KALRN: variants seen among roughly 807,000 people sequenced by gnomAD.
KALRN encodes the protein kalirin.
KALRN carries 70 observed loss-of-function variants against 353.7 expected under a neutral mutation model. That is an observed-to-expected ratio of 0.20 (90% confidence interval 0.16 to 0.24). The LOEUF (loss-of-function observed/expected upper bound fraction) is 0.24. KALRN is among the 10% of genes least tolerant of loss of function. KALRN has a pLI of 1.00. For missense variants in KALRN, 2,791 were observed against 3,756.7 expected, an observed-to-expected ratio of 0.74 and a Z score of 6.72; for synonymous variants, 1,391 against 1,434.8, an observed-to-expected ratio of 0.97 and a Z score of 0.69.
chr3:124,678,982 AT>A (rs1187906794), intron 50 of KALRN, among the ~76,000 whole-genome samples: 1 of 21,734 alleles, frequency 4.6e-5, no homozygotes, highest in Non-Finnish European at 8.6e-5. Context: ...AGATCTGCCA[AT>A]GGACCAATGG....
chr3:124,331,202 G>A (rs564185826), intron 8 of KALRN, among the ~76,000 whole-genome samples: 2 of 152,302 alleles, frequency 1.3e-5, no homozygotes, highest in East Asian at 1.9e-4. Flanking sequence ...TATGGAACCA[G>A]CCTAAATGTC....
chr3:124,642,806 G>GCTGTTTTTTTTT, intron 37 of KALRN, among the ~76,000 whole-genome samples: 1 of 96,820 alleles, frequency 1.0e-5, no homozygotes, highest in Non-Finnish European at 1.9e-5. Context: ...CCCAAGCCTC[G>GCTGTTTTTTTTT]TTTTTTTTTT....
chr3:124,117,161 G>A (rs2063528850), intron 1 of KALRN, among the ~76,000 whole-genome samples: 2 of 152,290 alleles, frequency 1.3e-5, no homozygotes, highest in African/African-American at 4.8e-5. Context: ...GCAGATGGAA[G>A]GTCAGATTTC....
intron 41 of KALRN, among the ~76,000 whole-genome samples, chr3:124,658,220 C>A (rs1161296408): frequency 6.6e-6 from 1 of 152,110 alleles, no homozygotes; most frequent in Non-Finnish European, 1.5e-5. Context: ...CTTTCTCAGC[C>A]CTCTCTAAGT....
At chr3:124,473,669 G>C (rs904876735) in intron 25 of KALRN, among the ~76,000 whole-genome samples, 1 of 152,126 alleles carries the variant, frequency 6.6e-6, no homozygotes, top group African/African-American at 2.4e-5. Flanking sequence ...GTTCTTTACA[G>C]ACCATCTTTT....
intron 33 of KALRN, among the ~76,000 whole-genome samples, chr3:124,499,162 G>A (rs2064219630): frequency 6.6e-6 from 1 of 152,106 alleles, no homozygotes; most frequent in African/African-American, 2.4e-5. Flanking sequence ...GATGAGGAAA[G>A]CATAACCATT....
At chr3:124,135,120 C>T (rs1335438433) in intron 1 of KALRN, among the ~76,000 whole-genome samples, 1 of 152,104 alleles carries the variant, frequency 6.6e-6, no homozygotes, top group Non-Finnish European at 1.5e-5. Flanking sequence ...AATTGTGGAA[C>T]CAACCCAAAT....
intron 34 of KALRN, among the ~76,000 whole-genome samples, chr3:124,574,168 G>C (rs946629265): frequency 3.3e-5 from 5 of 152,162 alleles, no homozygotes; most frequent in African/African-American, 1.2e-4. Flanking sequence ...ATACTATTTA[G>C]GACATGAAAG....
chr3:124,508,578 G>A (rs1398289231), intron 33 of KALRN, among the ~76,000 whole-genome samples: 1 of 152,146 alleles, frequency 6.6e-6, no homozygotes, highest in African/African-American at 2.4e-5. Flanking sequence ...TACATGCAAT[G>A]TTTGGGGCAA....
chr3:124,482,501 T>C (rs1215581976), intron 27 of KALRN, among the ~76,000 whole-genome samples: 3 of 149,922 alleles, frequency 2.0e-5, no homozygotes, highest in African/African-American at 7.3e-5. Flanking sequence ...GCTCTGTTAT[T>C]TACCTTATTG....
At chr3:124,701,491 G>A (rs2062338365) in intron 56 of KALRN, among the ~76,000 whole-genome samples, 1 of 149,008 alleles carries the variant, frequency 6.7e-6, no homozygotes, top group African/African-American at 2.5e-5. Flanking sequence ...GAGCTCAAGT[G>A]ATCCTCCAAC....
At chr3:124,328,446 G>C (rs2080153905) in intron 7 of KALRN, among the ~76,000 whole-genome samples, 1 of 152,184 alleles carries the variant, frequency 6.6e-6, no homozygotes, top group South Asian at 2.1e-4. Context: ...GAATATTGCA[G>C]AGAAATCCCA....
At chr3:124,326,257 C>T (rs1303357275) in intron 7 of KALRN, 86 bp downstream of exon 7, 1 of 1,064,906 alleles carries the variant, frequency 9.4e-7, no homozygotes, top group Non-Finnish European at 1.3e-6. Flanking sequence ...CACACACACT[C>T]TCTATAGGGA....
intron 1 of KALRN, among the ~76,000 whole-genome samples, chr3:124,148,296 C>A (rs1204562707): frequency 2.6e-5 from 4 of 152,092 alleles, no homozygotes; most frequent in Non-Finnish European, 5.9e-5. Flanking sequence ...TGCTTATGGA[C>A]AGAAATAGGA....
chr3:124,143,595 G>A (rs2066905458), intron 1 of KALRN, among the ~76,000 whole-genome samples: 1 of 152,194 alleles, frequency 6.6e-6, no homozygotes, highest in Non-Finnish European at 1.5e-5. Context: ...GCCTCACAGA[G>A]TGCTAGGAAA....
At chr3:124,710,226 T>C (rs897600407) in intron 57 of KALRN, among the ~76,000 whole-genome samples, 2 of 152,234 alleles carry the variant, frequency 1.3e-5, no homozygotes, top group East Asian at 1.9e-4. Context: ...TACTAGAGGC[T>C]CAACTGTGAA....
chr3:124,120,971 G>A (rs1439639806), intron 1 of KALRN, among the ~76,000 whole-genome samples: 2 of 150,092 alleles, frequency 1.3e-5, no homozygotes, highest in Non-Finnish European at 3.0e-5. Context: ...GGTGCACCCT[G>A]TAATCCCAGC....
At position 124,222,087 on chromosome 3, in the gene KALRN, T is replaced by C. The variant is rs147243362; in HGVS notation, c.74-5903T>C. On this transcript the variant is annotated intron_variant, in intron 1 of 59. Coordinates refer to ENST00000682506, the MANE Select transcript of KALRN (RefSeq NM_001388419.1). ...CTGTCCTTTAGGGCTATCTTAGAGA[T>C]GGCATCTTGGTGACAGTATTTATGC... is the stretch of plus-strand genomic sequence containing the variant. 1.6e-3 allele frequency among the ~76,000 whole-genome samples: 251 copies of C among 152,274 alleles called. 1 individual carries two copies. Among genetic ancestry groups the C allele is most frequent in the African/African-American group, 5.6e-3 (232 of 41,572 alleles).
chr3:124,105,262 A>G (rs1293378073), intron 1 of KALRN, among the ~76,000 whole-genome samples: 1 of 152,206 alleles, frequency 6.6e-6, no homozygotes, highest in Non-Finnish European at 1.5e-5. Context: ...GTCTGAAAAG[A>G]TGAGTAGGAC....
Sources: allele counts gnomAD v4.1 joint callset (sites outside exome capture counted in the v4.1 genomes callset), GRCh38; gene constraint gnomAD v4.1.1; transcripts MANE v1.5; gene names NCBI Gene and HGNC (gene_info 2026-07-23, HGNC 2026-07-21).